Variants in MBD4 observed in about 807,000 individuals in gnomAD.
MBD4 encodes the protein methyl-CpG-binding domain protein 4.
Under a neutral mutation model 60.2 loss-of-function variants are expected in MBD4, and 53 were observed. That is an observed-to-expected ratio of 0.88 (90% confidence interval 0.71 to 1.11). The LOEUF is 1.11. Among genes scored for constraint, MBD4 ranks in the 50% least tolerant of loss-of-function variants. The pLI, the probability that MBD4 is intolerant of heterozygous loss-of-function variation, is 0.00. For missense variants in MBD4, 619 were observed against 674.0 expected, an observed-to-expected ratio of 0.92 and a Z score of 0.90; for synonymous variants, 231 against 229.8, an observed-to-expected ratio of 1.01 and a Z score of -0.05.
intron 6 of MBD4, among the ~76,000 whole-genome samples, 153 bp downstream of exon 6, chr3:129,432,945 G>A (rs910086182): frequency 2.0e-5 from 3 of 152,186 alleles, no homozygotes; most frequent in Non-Finnish European, 4.4e-5. Context: ...GGGAGACTGT[G>A]GTTTGGGGAA....
Position 129,437,068 on chromosome 3 carries a change from TGGC to T in MBD4, c.573_575del (p.Pro192del), listed in dbSNP as rs1395801909. 3.1e-5 allele frequency: 50 copies of T among 1,614,084 alleles called. No individual in the cohort carries two copies. The highest frequency in any genetic ancestry group is 4.0e-5 in the Non-Finnish European group (47 of 1,180,026). On this transcript the variant is annotated inframe_deletion, in exon 3 of 8. Transcript: ENST00000429544. ...TCTCCTGCAACTCTGAACTACTACT[TGGC>T]GGCATAAACACATCCTTTTTGCACT... is the stretch of plus-strand genomic sequence containing the variant.
rs764380950 is a variant in MBD4, at chr3:129,432,554, A to G, written c.1596T>C (p.Gly532=). The G allele has an allele frequency of 6.2e-7, 1 of 1,614,182 alleles. No individual in the cohort carries two copies. The highest frequency in any genetic ancestry group is 8.5e-7 in the Non-Finnish European group (1 of 1,180,020). ...WKYPIELHGI[G]KYGNDSYRIF... ...TTCGGTAAGAGTCGTTGCCATATTTACCAATCCCATGAAGCTCAATTGGAT... is the reference window on the plus strand; with the variant it reads ...TTCGGTAAGAGTCGTTGCCATATTTGCCAATCCCATGAAGCTCAATTGGAT... Residue 532 remains glycine (G), a synonymous_variant, in exon 7 of 8, where the codon GGT becomes GGC. Transcript: ENST00000429544.
chr3:129,437,208 G>A lies in MBD4; in HGVS notation c.436C>T (p.Leu146Phe). The A allele has an allele frequency of 6.2e-7, 1 of 1,613,518 alleles. No individual in the cohort carries two copies. Among genetic ancestry groups the A allele is most frequent in the Non-Finnish European group, 8.5e-7 (1 of 1,179,712 alleles). ...LKPEDFDFTV[L>F]SKRGIKSRYK... ...CTTGACTTGATACCCCTTTTAGAAA[G>A]TACAGTAAAATCAAAATCTTCTGGC... The change falls in exon 3 of 8, where the codon CTT becomes TTT. Residue 146 changes from leucine (L) to phenylalanine (F), a missense_variant. Leu to Phe is a conservative substitution (Grantham distance 22, BLOSUM62 0). Coordinates refer to ENST00000429544, the MANE Select transcript of MBD4 (RefSeq NM_001276270.2).
chr3:129,431,649 G>A, intron 7 of MBD4, 71 bp from the exon 8 acceptor site: 1 of 1,197,742 alleles, frequency 8.3e-7, no homozygotes, highest in Non-Finnish European at 1.2e-6. Context: ...TTTTAAAATT[G>A]GCTTTTTAAA....
chr3:129,432,276 G>A (rs1227000604), intron 7 of MBD4: 6 of 1,463,232 alleles, frequency 4.1e-6, no homozygotes, highest in Middle Eastern at 5.0e-4. Context: ...ACAAACCACT[G>A]GAGATGAGTC....
intron 2 of MBD4, 105 bp from the exon 3 acceptor site, chr3:129,437,413 A>G (rs1054174079): frequency 7.7e-6 from 7 of 913,056 alleles, no homozygotes; most frequent in Non-Finnish European, 8.5e-6. Context: ...ATGTTGCCAT[A>G]GGTATCTGTC....
rs2072361298 is a variant in MBD4 at position 129,432,339 on chromosome 3, A to G, written c.1647+164T>C. On this transcript the variant is annotated intron_variant, in intron 7 of 7. Coordinates refer to ENST00000429544, the MANE Select transcript of MBD4 (RefSeq NM_001276270.2). ...GTGGACTTGGGAGCGCCTACTGATC[A>G]AAAACCCCAAAACCCACATGCCACC... The G allele has an allele frequency of 2.0e-6, 3 of 1,522,754 alleles. No individual in the cohort carries two copies. The Admixed American group carries it at 5.9e-5, about 30-fold the overall frequency. 94.3% of individuals were successfully genotyped at this position (1,522,754 alleles called of 1,614,324 possible). A position where few individuals can be genotyped will look rare whatever the true frequency, so the allele number is the denominator to read the frequency against.
In MBD4 at chr3:129,437,119, G is replaced by C. The variant is rs2072480690; in HGVS notation, c.525C>G (p.Asn175Lys). 6.2e-7 allele frequency: 1 copy of C among 1,614,020 alleles called. No homozygotes were observed. Among genetic ancestry groups the C allele is most frequent in the African/African-American group, 1.3e-5 (1 of 75,052 alleles). Residue 175 changes from asparagine (N) to lysine (K), a missense_variant, in exon 3 of 8, where the codon AAC (asparagine) becomes AAG (lysine). Coordinates refer to ENST00000429544, the MANE Select transcript of MBD4 (RefSeq NM_001276270.2). ...SHLQNQSNNS[N>K]WNLRTRSKCK... ...ACTTGCTTCGGGTCCTGAGGTTCCAGTTTGAATTGTTACTTTGGTTTTGTA... is the reference window on the plus strand; with the variant it reads ...ACTTGCTTCGGGTCCTGAGGTTCCACTTTGAATTGTTACTTTGGTTTTGTA...
chr3:129,439,683 A>G lies in MBD4; in HGVS notation c.104+47T>C, dbSNP rs2072685419. 3 of 1,173,406 alleles carry G rather than the reference A, an allele frequency of 2.6e-6. No individual in the cohort carries two copies. In the East Asian group the frequency reaches 7.6e-5, roughly 30 times the overall value. 72.7% of individuals were successfully genotyped at this position (1,173,406 alleles called of 1,614,324 possible). A position where few individuals can be genotyped will look rare whatever the true frequency, so the allele number is the denominator to read the frequency against. The stretch of plus-strand genomic sequence containing the variant: ...ACACACTGTCCACTCTCCCGATACC[A>G]TTTTACAGGTGGTGAAACTGAGGCC... On this transcript the variant is annotated intron_variant, in intron 1 of 7. Transcript: ENST00000429544.
intron 3 of MBD4, among the ~76,000 whole-genome samples, chr3:129,434,377 A>C (rs1055518328): frequency 2.6e-5 from 4 of 152,210 alleles, no homozygotes; most frequent in South Asian, 4.1e-4. Context: ...GATCACACAG[A>C]TACTAAGTGT....
chr3:129,434,267 C>G, intron 3 of MBD4, 131 bp from the exon 4 acceptor site: 1 of 742,972 alleles, frequency 1.3e-6, no homozygotes, highest in Non-Finnish European at 2.4e-6. Flanking sequence ...ACATAAATAC[C>G]CAATTAATCT....
At chr3:129,439,705 G>T in intron 1 of MBD4, 25 bp downstream of exon 1, 1 of 1,371,516 alleles carries the variant, frequency 7.3e-7, no homozygotes, top group Non-Finnish European at 1.0e-6. Context: ...GTGAAACTGA[G>T]GCCCAAAAGG....
In MBD4 at chr3:129,437,884, T is replaced by G. The variant is rs773681233; in HGVS notation, c.171A>C (p.Arg57Ser). 1 of 1,614,036 alleles carries G rather than the reference T, an allele frequency of 6.2e-7. No individual in the cohort carries two copies. Among genetic ancestry groups the G allele is most frequent in the Non-Finnish European group, 8.5e-7 (1 of 1,179,870 alleles). Reference sequence around the variant, plus strand: ...GTAGCAAGGGATTACATTCACTGCTTCTTTTTATCATCATTTGTTCCTCAT... The same window carrying G: ...GTAGCAAGGGATTACATTCACTGCTGCTTTTTATCATCATTTGTTCCTCAT... ...GEDEEQMMIK[R>S]SSECNPLLQE... Residue 57 changes from arginine to serine, a missense_variant, in exon 2 of 8, where the codon AGA becomes AGC. Transcript: ENST00000429544.
At chr3:129,435,424 T>C (rs2072440106) in intron 3 of MBD4, among the ~76,000 whole-genome samples, 1 of 152,190 alleles carries the variant, frequency 6.6e-6, no homozygotes, top group Admixed American at 6.5e-5. Flanking sequence ...AACTAGACTC[T>C]TACCACAAAA....
chr3:129,432,646 A>C (rs1418159645), intron 6 of MBD4, 40 bp from the exon 7 acceptor site: 2 of 1,590,996 alleles, frequency 1.3e-6, no homozygotes, highest in African/African-American at 1.3e-5. Context: ...GTCAGCTTCT[A>C]AAGACACCCT....
chr3:129,436,496 T>C lies in MBD4; in HGVS notation c.1148A>G (p.Asp383Gly). ...TDILKRGSEM[D>G]NNCSPTRKDF... Reference sequence around the variant, plus strand: ...TTTCCTGGTTGGTGAGCAGTTGTTGTCCATTTCAGAGCCACGTTTTAAAAT... The same window carrying C: ...TTTCCTGGTTGGTGAGCAGTTGTTGCCCATTTCAGAGCCACGTTTTAAAAT... Residue 383 changes from aspartate (D) to glycine (G), a missense_variant, in exon 3 of 8, where the codon GAC becomes GGC. Transcript: ENST00000429544. 1.9e-6 allele frequency: 3 copies of C among 1,614,164 alleles called. No individual in the cohort carries two copies. The highest frequency in any genetic ancestry group is 1.7e-6 in the Non-Finnish European group (2 of 1,180,014).
rs372118256 is a variant in MBD4 at position 129,437,319 on chromosome 3, A to G, written c.336-11T>C. The G allele has an allele frequency of 1.1e-5, 17 of 1,599,212 alleles. No individual in the cohort carries two copies. The highest frequency in any genetic ancestry group is 1.4e-5 in the Non-Finnish European group (16 of 1,177,630). On this transcript the variant is annotated splice_polypyrimidine_tract_variant and intron_variant, in intron 2 of 7. Transcript: ENST00000429544. ...TTCAGTCCTTGTGGGCTAGAAAATG[A>G]TATTAAAGGAAACTTACTGCTAGTA...
intron 7 of MBD4, among the ~76,000 whole-genome samples, 181 bp from the exon 8 acceptor site, chr3:129,431,759 G>A (rs1347506560): frequency 1.3e-5 from 2 of 152,110 alleles, no homozygotes; most frequent in African/African-American, 2.4e-5. Context: ...TTATATTAAG[G>A]TAATCTCACA....
intron 7 of MBD4, among the ~76,000 whole-genome samples, 154 bp from the exon 8 acceptor site, chr3:129,431,732 A>G (rs1336535606): frequency 6.6e-6 from 1 of 152,228 alleles, no homozygotes; most frequent in African/African-American, 2.4e-5. Flanking sequence ...GGATTCATGA[A>G]TATTTTAAGT....
Sources: allele counts gnomAD v4.1 joint callset (sites outside exome capture counted in the v4.1 genomes callset), GRCh38; gene constraint gnomAD v4.1.1; transcripts MANE v1.5; gene names NCBI Gene and HGNC (gene_info 2026-07-23, HGNC 2026-07-21).